Variants in MDFIC2 observed in about 807,000 individuals in gnomAD.
MDFIC2 encodes MyoD family inhibitor domain containing 2, also known as myoD family inhibitor domain-containing protein 2.
At chr3:70,215,006 C>A (rs968135097) in intron 2 of MDFIC2, among the ~76,000 whole-genome samples, 5 of 152,050 alleles carry the variant, frequency 3.3e-5, no homozygotes, top group Non-Finnish European at 7.4e-5. Flanking sequence ...ATTACATATA[C>A]AGTCAATTTT....
intron 2 of MDFIC2, among the ~76,000 whole-genome samples, chr3:70,305,710 T>G (rs558480518): frequency 2.1e-4 from 32 of 152,286 alleles, no homozygotes; most frequent in African/African-American, 7.7e-4. Context: ...CCAAAATTAT[T>G]TTTTGAGGAA....
In MDFIC2 at chr3:70,195,052, A is replaced by G. The variant is rs1701162561; in HGVS notation, c.*1874T>C. Among the ~76,000 whole-genome samples the G allele has an allele frequency of 1.3e-5, 2 of 152,194 alleles. No homozygotes were observed. Among genetic ancestry groups the G allele is most frequent in the South Asian group, 2.1e-4 (1 of 4,826 alleles). Reference sequence around the variant, plus strand: ...AGCTGGACTGAGAATTGGGTAGTGCAGGTAGTCAGAAAATTAGAACCCAAG... The same window carrying G: ...AGCTGGACTGAGAATTGGGTAGTGCGGGTAGTCAGAAAATTAGAACCCAAG... On this transcript the variant is annotated 3_prime_UTR_variant, in exon 4 of 4. Coordinates refer to ENST00000567252, the MANE Select transcript of MDFIC2 (RefSeq NM_001364677.1).
At chr3:70,241,180 G>A (rs962171473) in intron 2 of MDFIC2, among the ~76,000 whole-genome samples, 4 of 152,134 alleles carry the variant, frequency 2.6e-5, no homozygotes, top group African/African-American at 9.7e-5. Context: ...TATTTTGGAA[G>A]AATTGCTAGA....
intron 2 of MDFIC2, among the ~76,000 whole-genome samples, chr3:70,282,016 C>T (rs1702089216): frequency 6.6e-6 from 1 of 152,110 alleles, no homozygotes; most frequent in South Asian, 2.1e-4. Context: ...TACCAGAACA[C>T]CAGGGGTGCA....
chr3:70,285,157 C>A lies in MDFIC2; in HGVS notation c.88+26729G>T, dbSNP rs1475239830. Among the ~76,000 whole-genome samples, 3 of 151,080 alleles carry A rather than the reference C, an allele frequency of 2.0e-5. No homozygotes were observed. The East Asian group carries it at 5.9e-4, about 29-fold the overall frequency. Reference sequence around the variant, plus strand: ...GTGCCATGCTGGTGCACTGCACCCACTAACTTGTCATCTAGCATTAGGTAT... The same window carrying A: ...GTGCCATGCTGGTGCACTGCACCCAATAACTTGTCATCTAGCATTAGGTAT... On this transcript the variant is annotated intron_variant, in intron 2 of 3. Transcript: ENST00000567252.
At chr3:70,279,242 T>C (rs947475682) in intron 2 of MDFIC2, among the ~76,000 whole-genome samples, 1 of 151,876 alleles carries the variant, frequency 6.6e-6, no homozygotes, top group Non-Finnish European at 1.5e-5. Context: ...GCAAAGTACA[T>C]ATTATTATTT....
intron 2 of MDFIC2, among the ~76,000 whole-genome samples, chr3:70,220,875 A>G (rs761859655): frequency 6.6e-6 from 1 of 152,116 alleles, no homozygotes; most frequent in Non-Finnish European, 1.5e-5. Context: ...CTTTCCCACC[A>G]TCAGGGAGGG....
At chr3:70,218,871 T>C (rs1240097655) in intron 2 of MDFIC2, among the ~76,000 whole-genome samples, 1 of 152,182 alleles carries the variant, frequency 6.6e-6, no homozygotes, top group East Asian at 1.9e-4. Context: ...CATTCAAGCA[T>C]GTTGAGGTGA....
intron 2 of MDFIC2, among the ~76,000 whole-genome samples, chr3:70,270,869 C>A (rs907243859): frequency 1.3e-5 from 2 of 152,034 alleles, no homozygotes. Context: ...GAACATCACA[C>A]ACCAGGGCTT....
chr3:70,232,054 T>C (rs1701564491), intron 2 of MDFIC2, among the ~76,000 whole-genome samples: 1 of 152,188 alleles, frequency 6.6e-6, no homozygotes, highest in Admixed American at 6.5e-5. Context: ...AGGGTCACTT[T>C]GTTATTCTGA....
At chr3:70,227,717 G>A (rs576147852) in intron 2 of MDFIC2, among the ~76,000 whole-genome samples, 1 of 152,260 alleles carries the variant, frequency 6.6e-6, no homozygotes, top group Non-Finnish European at 1.5e-5. Context: ...GGCTTTCAAT[G>A]AATAAGCTCT....
At chr3:70,223,815 C>G (rs1316680432) in intron 2 of MDFIC2, among the ~76,000 whole-genome samples, 1 of 152,110 alleles carries the variant, frequency 6.6e-6, no homozygotes, top group African/African-American at 2.4e-5. Context: ...AATGGTTTTT[C>G]TCAGAGGTGA....
At chr3:70,256,071 A>T (rs1701812743) in intron 2 of MDFIC2, among the ~76,000 whole-genome samples, 1 of 152,238 alleles carries the variant, frequency 6.6e-6, no homozygotes, top group Non-Finnish European at 1.5e-5. Context: ...GTAACAATAT[A>T]CTTAGAAATT....
chr3:70,216,353 A>C (rs188520773), intron 2 of MDFIC2, among the ~76,000 whole-genome samples: 116 of 151,342 alleles, frequency 7.7e-4, no homozygotes, highest in Middle Eastern at 3.5e-3. Flanking sequence ...AGTGCTTCCT[A>C]GATGTCATTC....
At chr3:70,307,467 A>G (rs1702413134) in intron 2 of MDFIC2, among the ~76,000 whole-genome samples, 1 of 152,118 alleles carries the variant, frequency 6.6e-6, no homozygotes, top group Admixed American at 6.6e-5. Flanking sequence ...CCTTGGCTTA[A>G]TGGGGTATTA....
intron 3 of MDFIC2, among the ~76,000 whole-genome samples, chr3:70,200,010 T>G (rs1701222911): frequency 6.6e-6 from 1 of 152,214 alleles, no homozygotes; most frequent in South Asian, 2.1e-4. Context: ...AACACCCAGA[T>G]GAATTCGGCA....
At chr3:70,285,130 A>C (rs1209448830) in intron 2 of MDFIC2, among the ~76,000 whole-genome samples, 1 of 151,536 alleles carries the variant, frequency 6.6e-6, no homozygotes. Context: ...ATATGTATAC[A>C]TGTGCCATGC....
intron 2 of MDFIC2, among the ~76,000 whole-genome samples, chr3:70,275,627 G>A (rs1384765179): frequency 1.3e-5 from 2 of 152,154 alleles, no homozygotes; most frequent in Admixed American, 1.3e-4. Flanking sequence ...CTGTGACCTG[G>A]GCAAGTCATT....
At chr3:70,261,211 C>A (rs759854870) in intron 2 of MDFIC2, among the ~76,000 whole-genome samples, 10 of 152,198 alleles carry the variant, frequency 6.6e-5, no homozygotes, top group Admixed American at 1.3e-4. Flanking sequence ...GTGGTCAAAG[C>A]TTTGAATCAT....
Sources: allele counts gnomAD v4.1 joint callset (sites outside exome capture counted in the v4.1 genomes callset), GRCh38; gene constraint gnomAD v4.1.1; transcripts MANE v1.5; gene names NCBI Gene and HGNC (gene_info 2026-07-23, HGNC 2026-07-21).